Variants in GRIK1 observed in about 807,000 individuals in gnomAD.
GRIK1 encodes glutamate receptor ionotropic, kainate 1.
GRIK1 carries 69 observed loss-of-function variants against 105.7 expected under a neutral mutation model. The observed-to-expected ratio is 0.65, with a 90% CI of 0.54 to 0.80. The LOEUF (loss-of-function observed/expected upper bound fraction) is 0.80, where lower values mean the gene tolerates loss of function less well. GRIK1 is among the 30% of genes least tolerant of loss of function. The pLI is 0.00. For missense variants in GRIK1, 1,109 were observed against 1,167.3 expected, an observed-to-expected ratio of 0.95 and a Z score of 0.73; for synonymous variants, 438 against 431.3, an observed-to-expected ratio of 1.02 and a Z score of -0.19.
intron 7 of GRIK1, among the ~76,000 whole-genome samples, chr21:29,606,790 TGTTTCTTG>T (rs2061630108): frequency 2.7e-5 from 3 of 112,082 alleles, no homozygotes; most frequent in African/African-American, 1.7e-4. Context: ...CTGTCTCTGT[TGTTTCTTG>T]TCTTGTCTTG....
At chr21:29,584,308 A>AT (rs368690391) in intron 12 of GRIK1, among the ~76,000 whole-genome samples, 15 of 151,588 alleles carry the variant, frequency 9.9e-5, no homozygotes, top group Non-Finnish European at 1.6e-4. Flanking sequence ...GGTTTTCTAG[A>AT]TTTTTTTTTG....
intron 1 of GRIK1, among the ~76,000 whole-genome samples, chr21:29,709,135 A>G: frequency 6.6e-6 from 1 of 152,142 alleles, no homozygotes; most frequent in East Asian, 1.9e-4. Flanking sequence ...CCTTTGTGAC[A>G]TAATAATTGT....
intron 16 of GRIK1, among the ~76,000 whole-genome samples, chr21:29,546,213 T>G (rs1311643704): frequency 3.3e-5 from 5 of 152,208 alleles, no homozygotes; most frequent in Non-Finnish European, 7.3e-5. Context: ...AGTCCACTGG[T>G]TCTCTCAGCC....
At chr21:29,872,539 A>T (rs1385399050) in intron 1 of GRIK1, among the ~76,000 whole-genome samples, 1 of 152,148 alleles carries the variant, frequency 6.6e-6, no homozygotes, top group African/African-American at 2.4e-5. Context: ...TGCCACAGAA[A>T]CACTGAGGAA....
chr21:29,910,415 T>A (rs1209966808), intron 1 of GRIK1, among the ~76,000 whole-genome samples: 1 of 152,086 alleles, frequency 6.6e-6, no homozygotes, highest in African/African-American at 2.4e-5. Context: ...TTGACTTCTG[T>A]CATTTGAGAG....
At chr21:29,666,318 G>A (rs891475516) in intron 4 of GRIK1, among the ~76,000 whole-genome samples, 4 of 152,092 alleles carry the variant, frequency 2.6e-5, no homozygotes, top group Non-Finnish European at 4.4e-5. Context: ...CAGGAGAATC[G>A]CTTGAACCTG....
At chr21:29,832,653 A>G (rs1453271205) in intron 1 of GRIK1, among the ~76,000 whole-genome samples, 1 of 152,140 alleles carries the variant, frequency 6.6e-6, no homozygotes, top group Non-Finnish European at 1.5e-5. Context: ...TGCAGGGAAC[A>G]GCGTTGTGAG....
chr21:29,889,323 C>T (rs1349612362), intron 1 of GRIK1, among the ~76,000 whole-genome samples: 1 of 151,986 alleles, frequency 6.6e-6, no homozygotes, highest in African/African-American at 2.4e-5. Context: ...ACATATTTGT[C>T]CTTCTTTCCA....
Position 29,859,104 on chromosome 21 carries a change from T to A in GRIK1, c.118+80279A>T, listed in dbSNP as rs951769126. ...GGAAACCATCATTCTCAGCAAACTA[T>A]CGCAAGGACGAAAAACCAAACACCG... On this transcript the variant is annotated intron_variant, in intron 1 of 17. Coordinates refer to ENST00000327783, the MANE Select transcript of GRIK1 (RefSeq NM_001330994.2). Among the ~76,000 whole-genome samples the A allele has an allele frequency of 2.0e-5, 3 of 150,398 alleles. No homozygotes were observed. The South Asian group carries it at 6.3e-4, about 32-fold the overall frequency.
chr21:29,736,206 TTATGA>T (rs2064787387), intron 1 of GRIK1, among the ~76,000 whole-genome samples: 1 of 13,222 alleles, frequency 7.6e-5, no homozygotes, highest in Non-Finnish European at 1.1e-3. Context: ...GGTATTGTTA[TTATGA>T]TTATGATTAT....
At chr21:29,719,181 T>C (rs1222187815) in intron 1 of GRIK1, among the ~76,000 whole-genome samples, 1 of 150,822 alleles carries the variant, frequency 6.6e-6, no homozygotes, top group African/African-American at 2.4e-5. Flanking sequence ...TACTACTTTA[T>C]ATATAATTTT....
At chr21:29,598,058 G>A (rs1452795603) in intron 8 of GRIK1, among the ~76,000 whole-genome samples, 2 of 152,132 alleles carry the variant, frequency 1.3e-5, no homozygotes, top group African/African-American at 4.8e-5. Context: ...TGCTTTGGGG[G>A]TTTCAATTGT....
chr21:29,659,544 C>G (rs1415813650), intron 4 of GRIK1, among the ~76,000 whole-genome samples: 4 of 152,184 alleles, frequency 2.6e-5, no homozygotes, highest in African/African-American at 9.7e-5. Flanking sequence ...ATTGTAAATG[C>G]TTTCTCCGTA....
chr21:29,907,042 G>T (rs1005578975), intron 1 of GRIK1, among the ~76,000 whole-genome samples: 1 of 150,008 alleles, frequency 6.7e-6, no homozygotes, highest in Non-Finnish European at 1.5e-5. Flanking sequence ...AAAAGCCAAA[G>T]CAAATAAATC....
chr21:29,582,816 T>C (rs2091050701), intron 12 of GRIK1, among the ~76,000 whole-genome samples: 1 of 152,106 alleles, frequency 6.6e-6, no homozygotes. Flanking sequence ...GTTAGAGTAA[T>C]GTTAAAAACA....
chr21:29,714,917 T>G (rs1213772288), intron 1 of GRIK1, among the ~76,000 whole-genome samples: 1 of 152,200 alleles, frequency 6.6e-6, no homozygotes, highest in Non-Finnish European at 1.5e-5. Context: ...GTAAGCATTG[T>G]GTCAATATTC....
intron 1 of GRIK1, chr21:29,861,790 C>G (rs901875923): frequency 1.3e-5 from 4 of 319,680 alleles, no homozygotes; most frequent in Non-Finnish European, 2.5e-5. Context: ...CTTGAACCAG[C>G]CTTAAATACC....
intron 13 of GRIK1, among the ~76,000 whole-genome samples, chr21:29,579,563 T>C (rs190653075): frequency 6.6e-6 from 1 of 152,190 alleles, no homozygotes; most frequent in Non-Finnish European, 1.5e-5. Flanking sequence ...CAAAATGTTT[T>C]CCAATTGAGT....
chr21:29,579,717 G>T (rs2090973497), intron 13 of GRIK1, among the ~76,000 whole-genome samples: 1 of 152,042 alleles, frequency 6.6e-6, no homozygotes, highest in Admixed American at 6.6e-5. Flanking sequence ...ACAAATGTTT[G>T]TAAACTTCTT....
Sources: gnomAD v4.1 joint callset for allele counts (sites outside exome capture counted in the v4.1 genomes callset) on GRCh38, gnomAD v4.1.1 for gene constraint, MANE v1.5 for transcripts, NCBI Gene and HGNC (gene_info 2026-07-23, HGNC 2026-07-21) for gene names.